SMG6: variants seen among roughly 807,000 people sequenced by gnomAD.
SMG6 encodes SMG6 nonsense mediated mRNA decay factor.
SMG6 carries 66 observed loss-of-function variants against 142.2 expected under a neutral mutation model. The observed-to-expected ratio is 0.46, with a 90% confidence interval of 0.38 to 0.57. The LOEUF is 0.57. Among genes scored for constraint, SMG6 ranks in the 20% least tolerant of loss-of-function variants. The pLI, the probability that SMG6 is intolerant of heterozygous loss-of-function variation, is 0.00. For synonymous variants in SMG6, 779 were observed against 702.4 expected (o/e 1.11, Z -1.72); for missense variants, 1,793 against 1,832.0 (o/e 0.98, Z 0.39).
intron 6 of SMG6, among the ~76,000 whole-genome samples, chr17:2,289,003 C>T (rs1318672954): frequency 6.7e-6 from 1 of 149,328 alleles, no homozygotes; most frequent in Non-Finnish European, 1.5e-5. Context: ...GGCGTGAACC[C>T]GGGAGGTGGA....
intron 13 of SMG6, 50 bp downstream of exon 13, chr17:2,172,608 A>G: frequency 6.3e-7 from 1 of 1,585,176 alleles, no homozygotes; most frequent in Non-Finnish European, 8.6e-7. Flanking sequence ...AAAAGTCTGG[A>G]GAATTAAGAG....
chr17:2,171,373 G>C (rs2071497760), intron 13 of SMG6, among the ~76,000 whole-genome samples: 2 of 150,934 alleles, frequency 1.3e-5, no homozygotes, highest in South Asian at 2.1e-4. Flanking sequence ...GTGTGTGTGT[G>C]TGTGTGTGTA....
At chr17:2,066,696 A>ACACACACACACACACACACAC (rs1555529730) in intron 16 of SMG6, among the ~76,000 whole-genome samples, 3 of 43,824 alleles carry the variant, frequency 6.8e-5, no homozygotes, top group Non-Finnish European at 1.6e-4. Flanking sequence ...CACACACACA[A>ACACACACACACACACACACAC]TGCCCATGCT....
intron 10 of SMG6, among the ~76,000 whole-genome samples, chr17:2,224,929 C>G (rs562978364): frequency 3.3e-5 from 5 of 152,284 alleles, no homozygotes; most frequent in Admixed American, 2.6e-4. Context: ...TGACTTTAAT[C>G]AACAACAGTG....
rs994047157 is a variant in SMG6, at chr17:2,300,797, A to G, written c.89-133T>C. ...AAGAATTACATATCCAAATGCTAAT[A>G]CTGGTAGGCAAAGAAGGACATTTCT... On this transcript the variant is annotated intron_variant, in intron 1 of 18. Coordinates refer to ENST00000263073, the MANE Select transcript of SMG6 (RefSeq NM_017575.5). The G allele has an allele frequency of 7.7e-5, 59 of 763,836 alleles. No individual in the cohort carries two copies. In the African/African-American group the frequency reaches 9.7e-4, roughly 13 times the overall value. 47.3% of individuals were successfully genotyped at this position (763,836 alleles called of 1,614,324 possible).
At chr17:2,284,144 G>A (rs2074852701) in intron 6 of SMG6, among the ~76,000 whole-genome samples, 1 of 152,068 alleles carries the variant, frequency 6.6e-6, no homozygotes, top group African/African-American at 2.4e-5. Flanking sequence ...CCAAATACTG[G>A]CTAATCCAGG....
At chr17:2,076,854 C>T (rs957592439) in intron 15 of SMG6, among the ~76,000 whole-genome samples, 3 of 152,154 alleles carry the variant, frequency 2.0e-5, no homozygotes, top group South Asian at 2.1e-4. Context: ...CCAGCTGGCC[C>T]GCAGCAGGCC....
At chr17:2,115,251 T>C (rs1206806695) in intron 13 of SMG6, among the ~76,000 whole-genome samples, 3 of 152,102 alleles carry the variant, frequency 2.0e-5, no homozygotes, top group African/African-American at 7.2e-5. Context: ...CTCTTTTCCC[T>C]TTGTCTGCAC....
chr17:2,292,503 T>C (rs1197127319), intron 6 of SMG6, 49 bp downstream of exon 6: 2 of 1,562,168 alleles, frequency 1.3e-6, no homozygotes, highest in Non-Finnish European at 1.8e-6. Context: ...CTCCATATTG[T>C]AAGATACTTC....
intron 13 of SMG6, among the ~76,000 whole-genome samples, chr17:2,154,894 G>A (rs556630322): frequency 2.0e-5 from 3 of 152,046 alleles, no homozygotes; most frequent in African/African-American, 7.2e-5. Flanking sequence ...AAATTAGCGG[G>A]GTGTGGTAGC....
At chr17:2,264,406 T>C (rs1469420078) in intron 8 of SMG6, among the ~76,000 whole-genome samples, 1 of 152,226 alleles carries the variant, frequency 6.6e-6, no homozygotes, top group African/African-American at 2.4e-5. Flanking sequence ...ACATTGGCTT[T>C]GAACAAGTCC....
intron 8 of SMG6, among the ~76,000 whole-genome samples, chr17:2,253,662 C>G (rs923760875): frequency 2.6e-4 from 40 of 152,166 alleles, no homozygotes; most frequent in African/African-American, 8.9e-4. Context: ...TTCTCACCAC[C>G]ACAGGAGAAG....
At chr17:2,181,970 G>T (rs1229199094) in intron 12 of SMG6, among the ~76,000 whole-genome samples, 3 of 152,204 alleles carry the variant, frequency 2.0e-5, no homozygotes, top group African/African-American at 7.2e-5. Context: ...CAGACCTGTG[G>T]CCCGGGATAT....
chr17:2,183,791 C>G (rs181376531), intron 12 of SMG6, among the ~76,000 whole-genome samples: 6 of 132,200 alleles, frequency 4.5e-5, no homozygotes, highest in South Asian at 2.4e-4. Context: ...CACACACACA[C>G]AGCAGAGGCA....
intron 12 of SMG6, among the ~76,000 whole-genome samples, chr17:2,177,291 T>C (rs565867369): frequency 6.6e-6 from 1 of 152,278 alleles, no homozygotes; most frequent in South Asian, 2.1e-4. Flanking sequence ...CACAATAATC[T>C]ACCTTCTTGC....
chr17:2,138,624 AGAGTAAGTG>A (rs1346483905), intron 13 of SMG6, among the ~76,000 whole-genome samples: 1 of 152,208 alleles, frequency 6.6e-6, no homozygotes. Context: ...GCAGATTCAG[AGAGTAAGTG>A]GTCTATGACC....
intron 8 of SMG6, among the ~76,000 whole-genome samples, chr17:2,245,562 T>A (rs1298729811): frequency 6.6e-6 from 1 of 152,190 alleles, no homozygotes; most frequent in Non-Finnish European, 1.5e-5. Context: ...TTTTTGTATT[T>A]TTAGAAGAGA....
At chr17:2,092,399 G>A (rs1432855317) in intron 13 of SMG6, among the ~76,000 whole-genome samples, 2 of 152,186 alleles carry the variant, frequency 1.3e-5, no homozygotes, top group Non-Finnish European at 2.9e-5. Flanking sequence ...GGTCCCAACA[G>A]CTGTGTTTTC....
intron 8 of SMG6, 41 bp downstream of exon 8, chr17:2,282,606 C>G: frequency 6.3e-7 from 1 of 1,596,672 alleles, no homozygotes; most frequent in Non-Finnish European, 8.6e-7. Context: ...CCCAGGCTTA[C>G]TGAGCTAGTT....
Sources: gnomAD v4.1 joint callset for allele counts (sites outside exome capture counted in the v4.1 genomes callset) on GRCh38, gnomAD v4.1.1 for gene constraint, MANE v1.5 for transcripts, NCBI Gene and HGNC (gene_info 2026-07-23, HGNC 2026-07-21) for gene names.